The following ZNF69 variants were observed in gnomAD, a reference collection of about 807,000 sequenced individuals.
ZNF69 encodes the protein zinc finger protein 69.
A neutral mutation model predicts 50.9 loss-of-function variants in ZNF69; 47 were observed. The observed-to-expected ratio is 0.92, with a 90% CI of 0.73 to 1.18. The LOEUF is 1.18. Among genes scored for constraint, ZNF69 ranks in the 50% most tolerant of loss-of-function variants. The pLI, the probability that ZNF69 is intolerant of heterozygous loss-of-function variation, is 0.00. For missense variants in ZNF69, 717 were observed against 675.1 expected (o/e 1.06, Z -0.69); for synonymous variants, 216 against 223.1 (o/e 0.97, Z 0.29).
At chr19:11,950,273 A>G in the ZNF69 span, 9 of 1,594,634 alleles carry the variant, frequency 5.6e-6, 1 homozygote, top group Admixed American at 9.4e-5. Context: ...TTTTATGGAC[A>G]TGAATAGACT....
In ZNF69 at chr19:11,906,290, C is replaced by T. The variant is rs912880576; in HGVS notation, c.*192C>T. The T allele has an allele frequency of 7.7e-6, 11 of 1,421,718 alleles. No homozygotes were observed. Among genetic ancestry groups the T allele is most frequent in the African/African-American group, 1.4e-5 (1 of 69,520 alleles). The allele number at this position is 1,421,718 out of a possible 1,614,324, so 88.1% of individuals were successfully genotyped here. ...AAAAGGCAGCAGAAACTTCTGCAGA[C>T]TTAAATGTCCCTGTCTGACAGCTTT... On this transcript the variant is annotated 3_prime_UTR_variant, in exon 4 of 4. Coordinates refer to ENST00000429654, the MANE Select transcript of ZNF69 (RefSeq NM_001364730.1).
At chr19:11,928,827 C>T in the ZNF69 span, among the ~76,000 whole-genome samples, 4 of 147,490 alleles carry the variant, frequency 2.7e-5, no homozygotes, top group African/African-American at 5.3e-5. Flanking sequence ...CACCTGTAAC[C>T]CCAGCACTGT....
chr19:11,972,072 AAAAAG>A, the ZNF69 span, among the ~76,000 whole-genome samples: 2 of 151,982 alleles, frequency 1.3e-5, no homozygotes, highest in Non-Finnish European at 2.9e-5. Context: ...CAAAAAAAAA[AAAAAG>A]AAAAGAAAAG....
chr19:11,924,683 C>CGCT, the ZNF69 span, among the ~76,000 whole-genome samples: 1 of 152,200 alleles, frequency 6.6e-6, no homozygotes, highest in South Asian at 2.1e-4. Context: ...AATTCCGGCC[C>CGCT]GCTCGAGGAC....
intron 1 of ZNF69, among the ~76,000 whole-genome samples, chr19:11,888,277 G>A (rs917487487): frequency 2.0e-5 from 3 of 152,246 alleles, no homozygotes; most frequent in African/African-American, 7.2e-5. Flanking sequence ...GGGGCCACGG[G>A]AGGGTCATGT....
intron 1 of ZNF69, among the ~76,000 whole-genome samples, chr19:11,891,533 TTAGG>T (rs1977089028): frequency 6.6e-6 from 1 of 152,118 alleles, no homozygotes; most frequent in Non-Finnish European, 1.5e-5. Flanking sequence ...TAAGTTTTTC[TTAGG>T]TAGGGATCTT....
At chr19:11,906,795 G>A (rs138894014), downstream of ZNF69, among the ~76,000 whole-genome samples, 954 of 152,294 alleles carry the variant, frequency 6.3e-3, 8 homozygotes, top group African/African-American at 0.022. Context: ...GCAGCTCCTC[G>A]CCAGCAATGG....
At chr19:11,907,424 G>A (rs1972395089), downstream of ZNF69, among the ~76,000 whole-genome samples, 1 of 152,192 alleles carries the variant, frequency 6.6e-6, no homozygotes, top group Non-Finnish European at 1.5e-5. Context: ...CAGCCAGAGA[G>A]AAAGGTCGGG....
chr19:11,899,964 T>TC (rs1450382736), intron 1 of ZNF69, among the ~76,000 whole-genome samples: 30 of 152,250 alleles, frequency 2.0e-4, no homozygotes, highest in Non-Finnish European at 2.9e-5. Context: ...CCTTTTTTTT[T>TC]CCCTTTGGAG....
chr19:11,904,395 C>A (rs1972315656), intron 3 of ZNF69, among the ~76,000 whole-genome samples: 1 of 152,084 alleles, frequency 6.6e-6, no homozygotes, highest in African/African-American at 2.4e-5. Context: ...AAAAATGACA[C>A]AGAGTATTTA....
intron 2 of ZNF69, 34 bp downstream of exon 2, chr19:11,903,733 A>G (rs1342043195): frequency 8.7e-6 from 14 of 1,611,316 alleles, no homozygotes; most frequent in Non-Finnish European, 1.2e-5. Context: ...TCAGTCCATT[A>G]GTGAACCAGT....
the ZNF69 span, chr19:11,977,198 T>A: frequency 6.2e-7 from 1 of 1,612,230 alleles, no homozygotes; most frequent in Non-Finnish European, 8.5e-7. Flanking sequence ...CTCAGTCCAT[T>A]AGTGAACCAG....
intron 1 of ZNF69, among the ~76,000 whole-genome samples, chr19:11,891,223 C>T (rs1056095160): frequency 7.9e-5 from 12 of 151,792 alleles, no homozygotes; most frequent in African/African-American, 1.2e-4. Flanking sequence ...GTCAGCAGTT[C>T]GAGACCAGCC....
intron 1 of ZNF69, among the ~76,000 whole-genome samples, chr19:11,897,740 T>C (rs441303): frequency 0.76 from 114,266 of 149,822 alleles, 43,690 homozygotes; most frequent in Non-Finnish European, 0.8. Flanking sequence ...AGCGTGGTGG[T>C]GGGCGCCTGT....
chr19:11,939,947 G>A, the ZNF69 span: 7 of 144,502 alleles, frequency 4.8e-5, no homozygotes, highest in African/African-American at 1.4e-4. Context: ...GTAACAAGAC[G>A]TTTTCTTTTT....
the ZNF69 span, among the ~76,000 whole-genome samples, chr19:11,940,669 G>A: frequency 6.6e-6 from 1 of 152,222 alleles, no homozygotes; most frequent in African/African-American, 2.4e-5. Context: ...GTGTGGAAGG[G>A]GACCCGAGTG....
chr19:11,965,288 C>A, the ZNF69 span: 1 of 1,600,472 alleles, frequency 6.2e-7, no homozygotes, highest in Non-Finnish European at 8.5e-7. Context: ...GCGGCGGGAC[C>A]CGGGCCTCCC....
At chr19:11,946,251 G>A in the ZNF69 span, among the ~76,000 whole-genome samples, 13 of 152,170 alleles carry the variant, frequency 8.5e-5, no homozygotes, top group South Asian at 2.1e-4. Context: ...GGTTTCTCCC[G>A]CAGCTTCACA....
the ZNF69 span, among the ~76,000 whole-genome samples, chr19:11,943,383 T>A: frequency 6.6e-6 from 1 of 152,214 alleles, no homozygotes; most frequent in Non-Finnish European, 1.5e-5. Flanking sequence ...TCATCTGGGT[T>A]TCTTACCGGG....
Sources: allele counts gnomAD v4.1 joint callset (sites outside exome capture counted in the v4.1 genomes callset), GRCh38; gene constraint gnomAD v4.1.1; transcripts MANE v1.5; gene names NCBI Gene and HGNC (gene_info 2026-07-23, HGNC 2026-07-21).